PTBP3: variants seen among roughly 807,000 people sequenced by gnomAD.
PTBP3 encodes the protein polypyrimidine tract binding protein 3, also known as polypyrimidine tract-binding protein 3.
Under a neutral mutation model 58.7 loss-of-function variants are expected in PTBP3, and 20 were observed. That is an observed-to-expected ratio of 0.34 (90% confidence interval 0.24 to 0.50). The LOEUF is 0.50. Ranked by LOEUF, PTBP3 falls within the 20% of genes least tolerant of loss-of-function variation. PTBP3 has a pLI of 0.98. For missense variants in PTBP3, 509 were observed against 637.2 expected (o/e 0.80, Z 2.17); for synonymous variants, 185 against 219.8 (o/e 0.84, Z 1.40).
chr9:112,226,043 CA>C (rs1017634451), intron 12 of PTBP3, among the ~76,000 whole-genome samples: 5 of 151,624 alleles, frequency 3.3e-5, no homozygotes, highest in Admixed American at 1.3e-4. Flanking sequence ...GACCCTGTCT[CA>C]AAAAAAAATA....
chr9:112,218,015 A>G (rs985882785), downstream of PTBP3: 3 of 152,336 alleles, frequency 2.0e-5, no homozygotes, highest in African/African-American at 7.2e-5. Context: ...CTCAAAGTGT[A>G]TGTATACTAA....
chr9:112,377,766 A>C, the PTBP3 span, among the ~76,000 whole-genome samples: 7 of 152,140 alleles, frequency 4.6e-5, no homozygotes, highest in African/African-American at 1.7e-4. Flanking sequence ...TCTATTTTTC[A>C]AACCATTTGT....
chr9:112,352,313 AT>A, the PTBP3 span, among the ~76,000 whole-genome samples: 1 of 151,638 alleles, frequency 6.6e-6, no homozygotes, highest in Non-Finnish European at 1.5e-5. Context: ...AGTTTTTTAA[AT>A]TTTTTTTTAG....
the PTBP3 span, among the ~76,000 whole-genome samples, chr9:112,377,304 C>T: frequency 2.0e-5 from 3 of 152,280 alleles, no homozygotes; most frequent in East Asian, 3.9e-4. Flanking sequence ...GAGCCATGAT[C>T]ATGCTGCTAC....
At chr9:112,218,253 C>CA (rs1344119005), downstream of PTBP3, 2 of 152,176 alleles carry the variant, frequency 1.3e-5, no homozygotes, top group Non-Finnish European at 2.9e-5. Flanking sequence ...TAAATGAAGA[C>CA]AGAGACAGTT....
In PTBP3 at chr9:112,320,291, A is replaced by AAAATATATATATATATAT. The variant is rs1411646280; in HGVS notation, c.-52+13178_-52+13179insATATATATATATATATTT. Among the ~76,000 whole-genome samples the AAAATATATATATATATAT allele has an allele frequency of 2.0e-3, 148 of 73,380 alleles. 3 individuals carry two copies. The highest frequency in any genetic ancestry group is 9.2e-3 in the African/African-American group (101 of 10,952). 48.1% of individuals were successfully genotyped at this position (73,380 alleles called of 152,430 possible). ...AGACCCTTTCTCTTAAAAAAAAAAA[A>AAAATATATATATATATAT]ATATATATATATATATATATATATT... is the stretch of plus-strand genomic sequence containing the variant. On this transcript the variant is annotated intron_variant, in intron 1 of 13. Coordinates refer to ENST00000374257, the MANE Select transcript of PTBP3 (RefSeq NM_001163788.4).
intron 5 of PTBP3, among the ~76,000 whole-genome samples, chr9:112,255,841 C>G (rs1836324221): frequency 6.6e-6 from 1 of 152,084 alleles, no homozygotes; most frequent in Non-Finnish European, 1.5e-5. Flanking sequence ...AGCTAGTAAG[C>G]CTTCATTTAT....
the PTBP3 span, among the ~76,000 whole-genome samples, chr9:112,359,191 A>G: frequency 6.6e-6 from 1 of 151,784 alleles, no homozygotes; most frequent in Non-Finnish European, 1.5e-5. Context: ...CCTTAATCCC[A>G]GCACTTTGGG....
chr9:112,340,705 C>A, the PTBP3 span, among the ~76,000 whole-genome samples: 1 of 151,672 alleles, frequency 6.6e-6, no homozygotes, highest in African/African-American at 2.4e-5. Context: ...CATGGAGAAA[C>A]CCCGTCTCTA....
chr9:112,256,543 CTTTTT>C (rs1228439533), intron 5 of PTBP3, among the ~76,000 whole-genome samples: 2 of 150,534 alleles, frequency 1.3e-5, no homozygotes, highest in Non-Finnish European at 3.0e-5. Flanking sequence ...TTTTTTTTTC[CTTTTT>C]AAGAGATGGG....
At chr9:112,310,497 T>C (rs10739341) in intron 1 of PTBP3, among the ~76,000 whole-genome samples, 73,960 of 152,116 alleles carry the variant, frequency 0.49, 18,348 homozygotes, top group African/African-American at 0.58. Context: ...GTGTTAGCAA[T>C]AATATTCATT....
intron 9 of PTBP3, 47 bp downstream of exon 9, chr9:112,232,052 A>C: frequency 6.7e-7 from 1 of 1,485,512 alleles, no homozygotes; most frequent in Middle Eastern, 1.8e-4. Context: ...AAGTGCTACT[A>C]TACCTTCTCC....
In PTBP3 at chr9:112,224,208, G is replaced by A. The variant is rs776684120; in HGVS notation, c.1367C>T (p.Pro456Leu). 1 of 1,538,686 alleles carries A rather than the reference G, an allele frequency of 6.5e-7. No homozygotes were observed. The highest frequency in any genetic ancestry group is 8.7e-7 in the Non-Finnish European group (1 of 1,150,020). The change falls in exon 13 of 14, where the codon CCT (proline) becomes CTT (leucine). Residue 456 changes from proline (P) to leucine (L), a missense_variant and splice_region_variant. Around this residue, in one of 4 missense-constraint regions of PTBP3, gnomAD observed 135 missense variants for 229.0 expected, o/e 0.59. Coordinates refer to ENST00000374257, the MANE Select transcript of PTBP3 (RefSeq NM_001163788.4). ...CTTCAGATCATCCACTGTAACAGAA[G>A]GGCTGTGAAAACATCAGAGGGAGTC... ...SATLHLSNIP[P>L]SVTVDDLKNL...
At chr9:112,292,408 C>T (rs1828475063) in intron 2 of PTBP3, among the ~76,000 whole-genome samples, 1 of 152,124 alleles carries the variant, frequency 6.6e-6, no homozygotes, top group African/African-American at 2.4e-5. Context: ...ACCACATGAT[C>T]CAGCAATCTC....
At chr9:112,362,436 T>A in the PTBP3 span, among the ~76,000 whole-genome samples, 1 of 152,222 alleles carries the variant, frequency 6.6e-6, no homozygotes, top group African/African-American at 2.4e-5. Context: ...TTTATAAGTA[T>A]TTTTTCTCAT....
chr9:112,265,418 G>A (rs1307838640), intron 4 of PTBP3, among the ~76,000 whole-genome samples: 2 of 129,390 alleles, frequency 1.5e-5, no homozygotes, highest in Non-Finnish European at 3.2e-5. Context: ...CAGGAGAATC[G>A]CTTGAACCCG....
At position 112,223,186 on chromosome 9, in the gene PTBP3, AT is replaced by A; in HGVS notation, c.*664del. The A allele has an allele frequency of 1.1e-6, 1 of 922,270 alleles. No homozygotes were observed. The highest frequency in any genetic ancestry group is 1.8e-5 in the African/African-American group (1 of 55,994). 57.1% of individuals were successfully genotyped at this position (922,270 alleles called of 1,614,324 possible). On this transcript the variant is annotated 3_prime_UTR_variant, in exon 14 of 14. Transcript: ENST00000374257. ...TCCCTGGGGACAGCTGAGACACTGC[AT>A]TTTTCCAAATAGTCTTAAAAAGTTA...
chr9:112,367,834 T>G, the PTBP3 span, among the ~76,000 whole-genome samples: 4 of 152,196 alleles, frequency 2.6e-5, no homozygotes, highest in African/African-American at 7.2e-5. Flanking sequence ...TTCATTTCCC[T>G]TCCCAATTTG....
intron 1 of PTBP3, among the ~76,000 whole-genome samples, chr9:112,312,307 AC>A (rs1829512720): frequency 6.6e-6 from 1 of 151,940 alleles, no homozygotes; most frequent in South Asian, 2.1e-4. Flanking sequence ...ACATAGTGAG[AC>A]CCTGTATCTA....
Sources: gnomAD v4.1 joint callset for allele counts (sites outside exome capture counted in the v4.1 genomes callset) on GRCh38, gnomAD v4.1.1 for gene constraint, gnomAD v4.1.1 regional missense constraint, MANE v1.5 for transcripts, NCBI Gene and HGNC (gene_info 2026-07-23, HGNC 2026-07-21) for gene names.